Variants in PI4KA observed in about 807,000 individuals in gnomAD.
The protein encoded by PI4KA is phosphatidylinositol 4-kinase alpha, also known as PI4-kinase alpha.
Under a neutral mutation model 271.4 loss-of-function variants are expected in PI4KA, and 122 were observed. The ratio of observed to expected loss-of-function variants is 0.45; its 90% CI spans 0.39 to 0.52. The LOEUF (loss-of-function observed/expected upper bound fraction) is 0.52, where lower values mean the gene tolerates loss of function less well. PI4KA is among the 20% of genes least tolerant of loss of function. The pLI, the probability that PI4KA is intolerant of heterozygous loss-of-function variation, is 0.00. For synonymous variants in PI4KA, 1,041 were observed against 1,078.8 expected, an observed-to-expected ratio of 0.96 and a Z score of 0.69; for missense variants, 1,969 against 2,769.1, an observed-to-expected ratio of 0.71 and a Z score of 6.48.
intron 23 of PI4KA, among the ~76,000 whole-genome samples, chr22:20,757,916 G>A (rs1487822849): frequency 3.9e-5 from 6 of 152,010 alleles, no homozygotes; most frequent in Admixed American, 3.9e-4. Context: ...TCTAGAGGTT[G>A]GCAGTTTCAA....
chr22:20,844,127 T>A (rs867285575), intron 1 of PI4KA, among the ~76,000 whole-genome samples: 9 of 152,332 alleles, frequency 5.9e-5, no homozygotes, highest in African/African-American at 1.9e-4. Flanking sequence ...AACTCTGTAT[T>A]TCTCAAGATA....
intron 1 of PI4KA, among the ~76,000 whole-genome samples, chr22:20,848,130 T>C (rs1253486571): frequency 6.8e-6 from 1 of 148,030 alleles, no homozygotes; most frequent in Admixed American, 6.9e-5. Flanking sequence ...CCCAGCTACC[T>C]GGGAGGCAGA....
chr22:20,780,533 C>T (rs1190763547), intron 19 of PI4KA, among the ~76,000 whole-genome samples: 2 of 152,002 alleles, frequency 1.3e-5, no homozygotes, highest in Non-Finnish European at 2.9e-5. Context: ...TTTGGGAGGC[C>T]GAGGCAGGCA....
intron 18 of PI4KA, among the ~76,000 whole-genome samples, chr22:20,793,756 A>C (rs1223488974): frequency 6.6e-6 from 1 of 152,250 alleles, no homozygotes; most frequent in Non-Finnish European, 1.5e-5. Flanking sequence ...TTCTAAAATA[A>C]ACATATATTC....
chr22:20,853,000 G>A (rs1490528036), intron 1 of PI4KA, among the ~76,000 whole-genome samples: 1 of 152,186 alleles, frequency 6.6e-6, no homozygotes, highest in Non-Finnish European at 1.5e-5. Flanking sequence ...ACTTTGGGCG[G>A]CCAAGAAAAG....
In PI4KA at chr22:20,712,467, C is replaced by T. The variant is rs1925423269; in HGVS notation, c.5802+19G>A. On this transcript the variant is annotated intron_variant, in intron 50 of 54. Transcript: ENST00000255882. The stretch of plus-strand genomic sequence containing the variant: ...TGGAGCACACACGACCTCCCCCGGC[C>T]TGTGGCCACCCTGGCTACCTGCTGG... 6.2e-7 allele frequency: 1 copy of T among 1,607,304 alleles called. No individual in the cohort carries two copies. The highest frequency in any genetic ancestry group is 2.2e-5 in the East Asian group (1 of 44,606).
Position 20,732,967 on chromosome 22 carries a change from T to G in PI4KA, c.4288+4A>C, listed in dbSNP as rs1328329014. On this transcript the variant is annotated splice_donor_region_variant and intron_variant, in intron 36 of 54. Coordinates refer to ENST00000255882, the MANE Select transcript of PI4KA (RefSeq NM_058004.4). The stretch of plus-strand genomic sequence containing the variant: ...CCATGAGCAGCTGCACTGTTGAGGG[T>G]TACCTGGGGGAACAAGCTGGCTGGC... The G allele has an allele frequency of 9.3e-6, 15 of 1,611,542 alleles. No homozygotes were observed. Among genetic ancestry groups the G allele is most frequent in the Non-Finnish European group, 1.3e-5 (15 of 1,179,474 alleles).
In PI4KA at chr22:20,748,612, G is replaced by C. The variant is rs147349364; in HGVS notation, c.3244-910C>G. On this transcript the variant is annotated intron_variant, in intron 28 of 54. Transcript: ENST00000255882. ...CGAGGGTGGGGGCAAGCCTGGAACA[G>C]ATGCAGGCCCTGTTTACAGGCGTGA... Among the ~76,000 whole-genome samples, 894 of 152,350 alleles carry C rather than the reference G, an allele frequency of 5.9e-3. 8 individuals carry two copies. The highest frequency in any genetic ancestry group is 0.055 in the East Asian group (286 of 5,186).
chr22:20,763,256 C>A (rs937538649), intron 22 of PI4KA, among the ~76,000 whole-genome samples: 4 of 151,862 alleles, frequency 2.6e-5, no homozygotes, highest in Non-Finnish European at 5.9e-5. Flanking sequence ...GGACTACAGG[C>A]ATGCACCACC....
At chr22:20,804,530 T>C in intron 11 of PI4KA, 130 bp from the exon 12 acceptor site, 1 of 685,524 alleles carries the variant, frequency 1.5e-6, no homozygotes, top group Admixed American at 2.1e-5. Flanking sequence ...TTATTCATAC[T>C]GAGAGGTCAC....
In PI4KA at chr22:20,714,849, A is replaced by G. The variant is rs553891460; in HGVS notation, c.5318-149T>C. On this transcript the variant is annotated intron_variant, in intron 45 of 54. Transcript: ENST00000255882. ...GCCTCTGGTCCTTGTCCAGGGCACC[A>G]CTAACTTATTATTCCATGGCCGCTA... The G allele has an allele frequency of 3.3e-6, 3 of 912,850 alleles. No individual in the cohort carries two copies. In the African/African-American group the frequency reaches 5.0e-5, roughly 15 times the overall value. 56.5% of individuals were successfully genotyped at this position (912,850 alleles called of 1,614,324 possible).
chr22:20,727,977 C>T (rs765872784), intron 39 of PI4KA, 113 bp from the exon 40 acceptor site: 12 of 677,116 alleles, frequency 1.8e-5, no homozygotes, highest in Non-Finnish European at 3.1e-5. Flanking sequence ...GGATTCACAT[C>T]AATACCAAGT....
In PI4KA at chr22:20,796,237, A is replaced by G. The variant is rs769537254; in HGVS notation, c.2186T>C (p.Leu729Pro). 6.2e-7 allele frequency: 1 copy of G among 1,614,026 alleles called. No homozygotes were observed. The highest frequency in any genetic ancestry group is 1.3e-5 in the African/African-American group (1 of 74,922). ...NIQDEHLVDE[L>P]LMNLLELFVQ... ...AAACAACTCCAACAGGTTCATGAGC[A>G]GCTCATCCACCAGGTGCTCGTCTTG... Residue 729 changes from leucine to proline, a missense_variant, in exon 18 of 55, where the codon CTG (leucine) becomes CCG (proline). This residue lies in a region of PI4KA where 368 missense variants were observed against 544.3 expected (regional missense o/e 0.68). Coordinates refer to ENST00000255882, the MANE Select transcript of PI4KA (RefSeq NM_058004.4).
intron 3 of PI4KA, 47 bp from the exon 4 acceptor site, chr22:20,824,461 G>A: frequency 1.5e-6 from 2 of 1,356,354 alleles, no homozygotes; most frequent in Non-Finnish European, 2.1e-6. Flanking sequence ...ACCAGATACT[G>A]GGTCACACCT....
At chr22:20,815,242 G>A (rs750717210) in intron 7 of PI4KA, among the ~76,000 whole-genome samples, 22 of 151,614 alleles carry the variant, frequency 1.5e-4, no homozygotes, top group Admixed American at 3.9e-4. Flanking sequence ...TTAGCTGGGC[G>A]TGGTGGCACG....
chr22:20,817,161 G>C (rs1430179231), intron 7 of PI4KA, among the ~76,000 whole-genome samples: 2 of 152,154 alleles, frequency 1.3e-5, no homozygotes, highest in African/African-American at 2.4e-5. Context: ...CTACATTTAT[G>C]TAAGCCCAGA....
Position 20,753,937 on chromosome 22 carries a change from C to T in PI4KA, c.2792-757G>A, listed in dbSNP as rs1023745465. On this transcript the variant is annotated intron_variant, in intron 23 of 54. Coordinates refer to ENST00000255882, the MANE Select transcript of PI4KA (RefSeq NM_058004.4). Reference sequence around the variant, plus strand: ...TCCTGACATCGTGATCCGCCCGCCTCGGCCTCCCAAAGTGCTGGGATTACA... The same window carrying T: ...TCCTGACATCGTGATCCGCCCGCCTTGGCCTCCCAAAGTGCTGGGATTACA... 4.6e-5 allele frequency among the ~76,000 whole-genome samples: 7 copies of T among 152,294 alleles called. No homozygotes were observed. In the South Asian group the frequency reaches 8.3e-4, roughly 18 times the overall value.
At chr22:20,727,905 G>A in intron 39 of PI4KA, 41 bp from the exon 40 acceptor site, 1 of 1,499,408 alleles carries the variant, frequency 6.7e-7, no homozygotes, top group South Asian at 1.1e-5. Context: ...GCCTCGCCAG[G>A]GAACCTGCAC....
chr22:20,833,180 C>T (rs1924411425), intron 3 of PI4KA, among the ~76,000 whole-genome samples: 1 of 152,050 alleles, frequency 6.6e-6, no homozygotes, highest in Admixed American at 6.6e-5. Flanking sequence ...CACTCCTGGG[C>T]TATGTCCTCC....
Sources: gnomAD v4.1 joint callset for allele counts (sites outside exome capture counted in the v4.1 genomes callset) on GRCh38, gnomAD v4.1.1 for gene constraint, gnomAD v4.1.1 regional missense constraint, MANE v1.5 for transcripts, NCBI Gene and HGNC (gene_info 2026-07-23, HGNC 2026-07-21) for gene names.